CIMIP2C: variants seen among roughly 807,000 people sequenced by gnomAD.
CIMIP2C encodes the protein ciliary microtubule inner protein 2C.
chr2:26,577,945 C>T, the CIMIP2C span: 1 of 378,022 alleles, frequency 2.6e-6, no homozygotes, highest in South Asian at 3.2e-5. Context: ...GGCAGCCTGG[C>T]AGCTACACTA....
At chr2:26,564,574 A>G in the CIMIP2C span, among the ~76,000 whole-genome samples, 1 of 152,220 alleles carries the variant, frequency 6.6e-6, no homozygotes, top group African/African-American at 2.4e-5. Flanking sequence ...CCCCTTAAAG[A>G]TTCCCATCAG....
chr2:26,569,262 G>A, the CIMIP2C span, among the ~76,000 whole-genome samples: 1 of 152,104 alleles, frequency 6.6e-6, no homozygotes, highest in Non-Finnish European at 1.5e-5. Context: ...ATGGTGTGGA[G>A]TTGCCAGAAG....
chr2:26,573,639 C>T, the CIMIP2C span, among the ~76,000 whole-genome samples: 3 of 152,258 alleles, frequency 2.0e-5, no homozygotes, highest in African/African-American at 7.2e-5. Flanking sequence ...CTTCCCAGTT[C>T]CAGAGGAGAC....
the CIMIP2C span, among the ~76,000 whole-genome samples, chr2:26,574,497 G>C: frequency 6.6e-6 from 1 of 152,130 alleles, no homozygotes; most frequent in African/African-American, 2.4e-5. Context: ...GGGGGTGGGA[G>C]ATCAAGCCTG....
the CIMIP2C span, chr2:26,578,872 G>A: frequency 2.1e-6 from 1 of 471,906 alleles, no homozygotes; most frequent in African/African-American, 2.0e-5. Flanking sequence ...CAGGCCTGGG[G>A]CAAGCCCCTC....
the CIMIP2C span, chr2:26,576,106 G>A: frequency 2.5e-6 from 4 of 1,614,154 alleles, no homozygotes; most frequent in Non-Finnish European, 3.4e-6. Flanking sequence ...ACCGCTGGCT[G>A]CACAAGCCCA....
the CIMIP2C span, among the ~76,000 whole-genome samples, chr2:26,569,205 G>A: frequency 0.02 from 3,076 of 152,002 alleles, 120 homozygotes; most frequent in African/African-American, 0.068. Flanking sequence ...TGGGAAGTGC[G>A]GAGAGCAGAG....
chr2:26,564,235 C>T, the CIMIP2C span, among the ~76,000 whole-genome samples: 1 of 152,216 alleles, frequency 6.6e-6, no homozygotes. Context: ...AAGCCTCCCA[C>T]AGTCTCCAGT....
chr2:26,576,692 C>T, the CIMIP2C span, among the ~76,000 whole-genome samples: 1 of 152,214 alleles, frequency 6.6e-6, no homozygotes, highest in Non-Finnish European at 1.5e-5. Context: ...GGGGCATGCT[C>T]TGAGTCACTC....
chr2:26,565,486 T>C, the CIMIP2C span, among the ~76,000 whole-genome samples: 1 of 152,172 alleles, frequency 6.6e-6, no homozygotes, highest in African/African-American at 2.4e-5. Flanking sequence ...GCTTTGTGAC[T>C]TCAACGCCCC....
the CIMIP2C span, chr2:26,571,972 G>A: frequency 5.4e-5 from 39 of 728,192 alleles, no homozygotes; most frequent in South Asian, 1.6e-3. Context: ...GGAAGAATAA[G>A]TAGATTTGAG....
the CIMIP2C span, among the ~76,000 whole-genome samples, chr2:26,565,614 C>T: frequency 1.3e-5 from 2 of 152,150 alleles, no homozygotes; most frequent in African/African-American, 2.4e-5. Context: ...CTGCCTGGTA[C>T]GAATCCTGGC....
the CIMIP2C span, chr2:26,579,308 CA>C: frequency 8.7e-6 from 14 of 1,614,078 alleles, no homozygotes; most frequent in Non-Finnish European, 1.2e-5. Context: ...CCTCTGTGCC[CA>C]AAGAAGAAGT....
chr2:26,562,666 G>A, the CIMIP2C span: 2 of 1,580,484 alleles, frequency 1.3e-6, no homozygotes, highest in Non-Finnish European at 1.7e-6. Flanking sequence ...CCGCCTACGT[G>A]CCCCCTGGAC....
At chr2:26,568,824 C>A in the CIMIP2C span, among the ~76,000 whole-genome samples, 1 of 152,038 alleles carries the variant, frequency 6.6e-6, no homozygotes, top group Non-Finnish European at 1.5e-5. Flanking sequence ...AGTTTGAGAC[C>A]AGTCTGGCCA....
At chr2:26,563,452 T>G in the CIMIP2C span, among the ~76,000 whole-genome samples, 1 of 152,236 alleles carries the variant, frequency 6.6e-6, no homozygotes, top group African/African-American at 2.4e-5. Context: ...CTGATGTTTC[T>G]ACTCTGGACC....
the CIMIP2C span, chr2:26,579,482 C>T: frequency 2.0e-4 from 312 of 1,598,024 alleles, 1 homozygote; most frequent in East Asian, 2.0e-3. Context: ...GATCCTGGGT[C>T]GTGACCAGCC....
the CIMIP2C span, chr2:26,578,710 C>T: frequency 2.1e-6 from 1 of 470,414 alleles, no homozygotes. Context: ...TGGCTCTGGC[C>T]AGGATCTGCC....
chr2:26,577,329 T>C, the CIMIP2C span, among the ~76,000 whole-genome samples: 1 of 152,196 alleles, frequency 6.6e-6, no homozygotes, highest in East Asian at 1.9e-4. Flanking sequence ...TGAGAAGTCG[T>C]GACTCAGTGA....
Sources: allele counts gnomAD v4.1 joint callset (sites outside exome capture counted in the v4.1 genomes callset), GRCh38; gene constraint gnomAD v4.1.1; transcripts MANE v1.5; gene names NCBI Gene and HGNC (gene_info 2026-07-23, HGNC 2026-07-21).